Variants in PIGN observed in about 807,000 individuals in gnomAD.
The protein encoded by PIGN is GPI ethanolamine phosphate transferase 1.
Under a neutral mutation model 125.4 loss-of-function variants are expected in PIGN, and 117 were observed. The observed-to-expected ratio is 0.93, with a 90% confidence interval of 0.80 to 1.09. PIGN has a LOEUF of 1.09. PIGN is among the 50% of genes least tolerant of loss of function. PIGN has a pLI of 0.00. For synonymous variants in PIGN, 392 were observed against 377.8 expected (o/e 1.04, Z -0.44); for missense variants, 1,075 against 1,094.9 (o/e 0.98, Z 0.26).
chr18:62,173,495 A>G (rs776015380), intron 1 of PIGN, among the ~76,000 whole-genome samples: 1 of 152,046 alleles, frequency 6.6e-6, no homozygotes, highest in Non-Finnish European at 1.5e-5. Flanking sequence ...GCCTCCCAAA[A>G]AGTGCTGGGA....
intron 24 of PIGN, 96 bp from the exon 25 acceptor site, chr18:62,088,938 A>T: frequency 5.7e-6 from 4 of 699,776 alleles, no homozygotes; most frequent in Non-Finnish European, 1.0e-5. Flanking sequence ...CAATGGCTAG[A>T]AACATGCCCT....
intron 6 of PIGN, among the ~76,000 whole-genome samples, chr18:62,155,684 A>G (rs953816921): frequency 6.6e-6 from 1 of 152,198 alleles, no homozygotes; most frequent in Admixed American, 6.5e-5. Context: ...CCACATCCCA[A>G]ATAAAAAGGT....
At chr18:62,053,923 A>T (rs1355686774) in intron 30 of PIGN, among the ~76,000 whole-genome samples, 1 of 152,206 alleles carries the variant, frequency 6.6e-6, no homozygotes, top group Non-Finnish European at 1.5e-5. Flanking sequence ...GTGGAATCCA[A>T]CTAGAAATCA....
At chr18:62,143,428 C>T (rs1032540642) in intron 10 of PIGN, 82 bp from the exon 11 acceptor site, 8 of 833,482 alleles carry the variant, frequency 9.6e-6, no homozygotes, top group Admixed American at 4.3e-5. Context: ...GTGGCCAATA[C>T]TTATGGAAAA....
At chr18:62,167,322 G>A (rs1348427265) in intron 1 of PIGN, among the ~76,000 whole-genome samples, 14 of 41,906 alleles carry the variant, frequency 3.3e-4, no homozygotes, top group Admixed American at 1.2e-3. Context: ...GTGTGTGTGT[G>A]TGTGTGTGTG....
intron 1 of PIGN, among the ~76,000 whole-genome samples, chr18:62,182,220 G>T (rs987231679): frequency 6.6e-6 from 1 of 152,086 alleles, no homozygotes; most frequent in African/African-American, 2.4e-5. Flanking sequence ...CATCATATCT[G>T]TGGCTTCAGT....
intron 11 of PIGN, among the ~76,000 whole-genome samples, chr18:62,142,324 C>T (rs889609904): frequency 6.6e-6 from 1 of 152,206 alleles, no homozygotes; most frequent in Non-Finnish European, 1.5e-5. Flanking sequence ...TGCCAACAGA[C>T]TGACAATTCA....
At chr18:62,140,353 G>A (rs541191500) in intron 12 of PIGN, 67 bp downstream of exon 12, 2 of 690,106 alleles carry the variant, frequency 2.9e-6, no homozygotes, top group South Asian at 3.9e-5. Flanking sequence ...ACATAAAAAA[G>A]AGTACATTTT....
chr18:62,031,767 T>C (rs1300137048), intron 23 of PIGN, among the ~76,000 whole-genome samples: 1 of 152,226 alleles, frequency 6.6e-6, no homozygotes, highest in Non-Finnish European at 1.5e-5. Context: ...TTGAGTGATA[T>C]GTGTCAAAGT....
intron 30 of PIGN, among the ~76,000 whole-genome samples, chr18:62,071,881 T>TATAA (rs2032885124): frequency 8.9e-6 from 1 of 112,472 alleles, no homozygotes; most frequent in East Asian, 3.4e-4. Flanking sequence ...TATATATATA[T>TATAA]ATATATATAT....
At chr18:62,174,090 T>C (rs1238216975) in intron 1 of PIGN, among the ~76,000 whole-genome samples, 1 of 152,046 alleles carries the variant, frequency 6.6e-6, no homozygotes, top group Non-Finnish European at 1.5e-5. Context: ...GGCGGGCACC[T>C]GTAATCCCAG....
At chr18:62,175,907 G>T (rs891099753) in intron 1 of PIGN, among the ~76,000 whole-genome samples, 4 of 152,094 alleles carry the variant, frequency 2.6e-5, no homozygotes, top group Non-Finnish European at 4.4e-5. Flanking sequence ...CTAATAAAAA[G>T]TCCTTGAAAG....
At position 62,181,371 on chromosome 18, in the gene PIGN, T is replaced by C. The variant is rs141049894; in HGVS notation, c.-236+5473A>G. Among the ~76,000 whole-genome samples, 293 of 152,300 alleles carry C rather than the reference T, an allele frequency of 1.9e-3. 1 individual carries two copies. Among genetic ancestry groups the C allele is most frequent in the African/African-American group, 6.8e-3 (283 of 41,572 alleles). On this transcript the variant is annotated intron_variant, in intron 1 of 30. Transcript: ENST00000640252. ...TGAAAAGGCTGAATGTGACCTCTTT[T>C]TTTTCCTGACCACCTAAATCTCAAA...
chr18:62,166,537 C>T (rs113559036), intron 1 of PIGN, among the ~76,000 whole-genome samples: 10,443 of 152,216 alleles, frequency 0.069, 430 homozygotes, highest in Middle Eastern at 0.15. Context: ...CCATTTGACC[C>T]AGCAATCCCA....
chr18:62,068,300 C>T (rs1277437591), intron 30 of PIGN, among the ~76,000 whole-genome samples: 1 of 152,164 alleles, frequency 6.6e-6, no homozygotes, highest in African/African-American at 2.4e-5. Context: ...ATTACTGTCT[C>T]ACTGAGTCTG....
At chr18:62,161,406 A>T in intron 3 of PIGN, 21 bp from the exon 4 acceptor site, 1 of 1,159,364 alleles carries the variant, frequency 8.6e-7, no homozygotes, top group Non-Finnish European at 1.3e-6. Flanking sequence ...GAACAAAATT[A>T]AATTGGGGTA....
At position 62,147,057 on chromosome 18, in the gene PIGN, T is replaced by C. The variant is rs780180671; in HGVS notation, c.719A>G (p.Glu240Gly). The C allele has an allele frequency of 6.2e-7, 1 of 1,608,664 alleles. No homozygotes were observed. Among genetic ancestry groups the C allele is most frequent in the Non-Finnish European group, 8.5e-7 (1 of 1,175,760 alleles). The change falls in exon 9 of 31, where the codon GAA (glutamate) becomes GGA (glycine). Residue 240 changes from glutamate to glycine, a missense_variant. Around this residue, in one of 3 missense-constraint regions of PIGN, gnomAD observed 915 missense variants for 908.7 expected, o/e 1.01. Coordinates refer to ENST00000640252, the MANE Select transcript of PIGN (RefSeq NM_176787.5). ...NIKKVDDGVK[E>G]IVSMFNHFYG... ...GAAGTGGTTAAACATAGACACGATT[T>C]CTTTAACTCCATCATCAACTTTTTT...
intron 2 of PIGN, among the ~76,000 whole-genome samples, chr18:62,162,880 A>G (rs2147653053): frequency 6.6e-6 from 1 of 152,282 alleles, no homozygotes; most frequent in East Asian, 1.9e-4. Flanking sequence ...TGAACATTAA[A>G]TGCTAAATTA....
rs541514341 is a variant in PIGN at position 62,061,688 on chromosome 18, C to T, written c.2672+10985G>A. On this transcript the variant is annotated intron_variant, in intron 30 of 30. Transcript: ENST00000640252. ...GGGAACCAGTGCAGGAGCACAATTC[C>T]AATAACCCCGGCACCTGTGAAGGGA... Among the ~76,000 whole-genome samples, 6 of 152,202 alleles carry T rather than the reference C, an allele frequency of 3.9e-5. No individual in the cohort carries two copies. In the East Asian group the frequency reaches 7.7e-4, roughly 20 times the overall value.
Sources: allele counts gnomAD v4.1 joint callset (sites outside exome capture counted in the v4.1 genomes callset), GRCh38; gene constraint gnomAD v4.1.1; regional missense constraint gnomAD v4.1.1; transcripts MANE v1.5; gene names NCBI Gene and HGNC (gene_info 2026-07-23, HGNC 2026-07-21).